Variants in CALD1 observed in about 807,000 individuals in gnomAD.
CALD1 encodes caldesmon.
A neutral mutation model predicts 99.9 loss-of-function variants in CALD1; 33 were observed. The ratio of observed to expected loss-of-function variants is 0.33; its 90% CI spans 0.25 to 0.44. The LOEUF is 0.44. CALD1 is among the 20% of genes least tolerant of loss of function. The pLI is 1.00. For synonymous variants in CALD1, 310 were observed against 325.0 expected (o/e 0.95, Z 0.50); for missense variants, 861 against 962.1 (o/e 0.89, Z 1.39).
chr7:134,835,355 G>A (rs527378832), intron 1 of CALD1, among the ~76,000 whole-genome samples: 1 of 152,274 alleles, frequency 6.6e-6, no homozygotes, highest in Non-Finnish European at 1.5e-5. Context: ...GGAGAGGTGG[G>A]CAATGCCAGT....
intron 3 of CALD1, among the ~76,000 whole-genome samples, chr7:134,889,668 A>ATACAT: frequency 6.6e-6 from 1 of 152,194 alleles, no homozygotes; most frequent in East Asian, 1.9e-4. Context: ...TTTCTGTCTC[A>ATACAT]GTTCTAGAGC....
At chr7:134,711,660 C>CTATATA in the CALD1 span, among the ~76,000 whole-genome samples, 111 of 78,328 alleles carry the variant, frequency 1.4e-3, no homozygotes, top group African/African-American at 5.2e-3. Context: ...CTCTCTCTCT[C>CTATATA]TATATATATA....
Position 134,947,725 on chromosome 7 carries a change from C to A in CALD1, c.1750C>A (p.Gln584Lys), listed in dbSNP as rs754343496. The A allele has an allele frequency of 3.0e-5, 48 of 1,613,400 alleles. No individual in the cohort carries two copies. Among genetic ancestry groups the A allele is most frequent in the South Asian group, 8.8e-5 (8 of 90,972 alleles). ...AAGGAAGGTCCTGGAGGAGGAAGAG[C>A]AGAGGAGGAAGCAGGAGGAAGCCGA... ...ERRKVLEEEE[Q>K]RRKQEEADRK... The change falls in exon 8 of 15, where the codon CAG (glutamine) becomes AAG (lysine). Residue 584 changes from glutamine to lysine, a missense_variant. By Grantham distance (53) the Gln-to-Lys change is moderately conservative. Coordinates refer to ENST00000361675, the MANE Select transcript of CALD1 (RefSeq NM_033138.4).
chr7:134,813,927 A>T (rs1232714049), intron 1 of CALD1, among the ~76,000 whole-genome samples: 1 of 152,182 alleles, frequency 6.6e-6, no homozygotes, highest in Non-Finnish European at 1.5e-5. Context: ...TGGGAACACA[A>T]GATCATTGGA....
At position 134,933,703 on chromosome 7, in the gene CALD1, G is replaced by A. The variant is rs982005668; in HGVS notation, c.934G>A (p.Glu312Lys). ...CCAAGAAAGAGAAAGGAGAGAGGCA[G>A]AAGAGAGGGAAAGGATGAGGGAGGA... ...AAQERERREA[E>K]ERERMREEEK... The change falls in exon 5 of 15, where the codon GAA becomes AAA. Residue 312 changes from glutamate to lysine, a missense_variant. Glu to Lys is a moderately conservative substitution (Grantham distance 56). Transcript: ENST00000361675. 6.4e-7 allele frequency: 1 copy of A among 1,574,094 alleles called. No individual in the cohort carries two copies. The highest frequency in any genetic ancestry group is 8.6e-7 in the Non-Finnish European group (1 of 1,158,530).
At chr7:134,721,792 T>C in the CALD1 span, among the ~76,000 whole-genome samples, 2 of 152,160 alleles carry the variant, frequency 1.3e-5, no homozygotes, top group African/African-American at 2.4e-5. Context: ...GATCAACATA[T>C]GGTAACCACA....
chr7:134,825,261 G>A (rs1798943503), intron 1 of CALD1, among the ~76,000 whole-genome samples: 1 of 152,104 alleles, frequency 6.6e-6, no homozygotes, highest in Non-Finnish European at 1.5e-5. Context: ...TTAGAAAACA[G>A]ATGGAGTCAT....
intron 3 of CALD1, among the ~76,000 whole-genome samples, chr7:134,922,080 T>G (rs577420944): frequency 6.6e-6 from 1 of 152,292 alleles, no homozygotes; most frequent in African/African-American, 2.4e-5. Flanking sequence ...ATATTATATA[T>G]CCCATGTATG....
chr7:134,888,301 A>T (rs892439121), intron 3 of CALD1, among the ~76,000 whole-genome samples: 5 of 152,196 alleles, frequency 3.3e-5, no homozygotes, highest in Non-Finnish European at 7.3e-5. Context: ...ATCTTGCTGA[A>T]GGATGACTGG....
chr7:134,794,752 A>G (rs12668752), intron 1 of CALD1, among the ~76,000 whole-genome samples: 42,626 of 152,114 alleles, frequency 0.28, 7,008 homozygotes, highest in East Asian at 0.66. Context: ...CTCCCAAAGT[A>G]CTAGGATTAT....
intron 3 of CALD1, among the ~76,000 whole-genome samples, chr7:134,870,924 C>A (rs1336901554): frequency 1.3e-5 from 2 of 152,138 alleles, no homozygotes; most frequent in African/African-American, 4.8e-5. Context: ...GAAAGTCAGG[C>A]TTCATGGTTC....
intron 3 of CALD1, among the ~76,000 whole-genome samples, chr7:134,872,615 T>C (rs1801151637): frequency 6.6e-6 from 1 of 152,106 alleles, no homozygotes; most frequent in Admixed American, 6.5e-5. Context: ...GTAGGGACAG[T>C]ATCCCAGTAG....
intron 9 of CALD1, among the ~76,000 whole-genome samples, chr7:134,956,014 C>T (rs542167107): frequency 1.3e-5 from 2 of 152,204 alleles, no homozygotes; most frequent in African/African-American, 4.8e-5. Context: ...ATTTTTTCTA[C>T]AGAAATATAC....
At chr7:134,727,363 C>G in the CALD1 span, among the ~76,000 whole-genome samples, 1 of 152,226 alleles carries the variant, frequency 6.6e-6, no homozygotes, top group Non-Finnish European at 1.5e-5. Flanking sequence ...CCACACCCGT[C>G]TTTGCTTCTT....
intron 4 of CALD1, among the ~76,000 whole-genome samples, chr7:134,929,731 G>A (rs907961455): frequency 7.9e-6 from 1 of 125,920 alleles, no homozygotes; most frequent in Non-Finnish European, 1.6e-5. Flanking sequence ...CCATATTTTT[G>A]CAATTGCAAA....
Position 134,815,613 on chromosome 7 carries a change from T to C in CALD1, c.-129-28271T>C, listed in dbSNP as rs191271794. Among the ~76,000 whole-genome samples, 29 of 152,282 alleles carry C rather than the reference T, an allele frequency of 1.9e-4. 1 individual carries two copies. In the East Asian group the frequency reaches 5.0e-3, roughly 26 times the overall value. ...GTGACCCTCTAAACCATTTCTCATG[T>C]TTTTTAAGGTTGAAGGAATGTTTAG... On this transcript the variant is annotated intron_variant, in intron 1 of 14. Transcript: ENST00000361675.
At chr7:134,948,892 T>C (rs1373536822) in intron 8 of CALD1, among the ~76,000 whole-genome samples, 3 of 152,006 alleles carry the variant, frequency 2.0e-5, no homozygotes, top group Non-Finnish European at 4.4e-5. Flanking sequence ...ATTGTTTTTT[T>C]AGACATAGTC....
chr7:134,782,142 T>C (rs1229959188), intron 1 of CALD1, among the ~76,000 whole-genome samples: 1 of 152,182 alleles, frequency 6.6e-6, no homozygotes, highest in Non-Finnish European at 1.5e-5. Flanking sequence ...TGATTACCAG[T>C]TAGTCATTCC....
At chr7:134,771,680 G>A (rs544439444) in intron 1 of CALD1, among the ~76,000 whole-genome samples, 6 of 151,898 alleles carry the variant, frequency 4.0e-5, no homozygotes, top group African/African-American at 7.2e-5. Flanking sequence ...AACAAGCCCC[G>A]CAGTACTTAC....
Sources: gnomAD v4.1 joint callset for allele counts (sites outside exome capture counted in the v4.1 genomes callset) on GRCh38, gnomAD v4.1.1 for gene constraint, MANE v1.5 for transcripts, NCBI Gene and HGNC (gene_info 2026-07-23, HGNC 2026-07-21) for gene names.